The following KIFC3 variants were observed in gnomAD, a reference collection of about 807,000 sequenced individuals.
The protein encoded by KIFC3 is kinesin family member C3, also known as kinesin-like protein KIFC3.
In KIFC3, 60 loss-of-function variants were observed where a neutral mutation model predicts 101.8. That is an observed-to-expected ratio of 0.59 (90% CI 0.48 to 0.73). The LOEUF (loss-of-function observed/expected upper bound fraction) is 0.73, where lower values mean the gene tolerates loss of function less well. Among genes scored for constraint, KIFC3 ranks in the 30% least tolerant of loss-of-function variants. The pLI, the probability that KIFC3 is intolerant of heterozygous loss-of-function variation, is 0.00. For synonymous variants in KIFC3, 476 were observed against 482.7 expected, an observed-to-expected ratio of 0.99 and a Z score of 0.18; for missense variants, 966 against 1,137.1, an observed-to-expected ratio of 0.85 and a Z score of 2.16.
At chr16:57,837,390 C>T (rs1555480538) in intron 1 of KIFC3, among the ~76,000 whole-genome samples, 1 of 151,662 alleles carries the variant, frequency 6.6e-6, no homozygotes, top group Admixed American at 6.6e-5. Flanking sequence ...ATTGCTTGAA[C>T]CTGGAAGGCA....
At chr16:57,800,893 G>C (rs971593888) in intron 1 of KIFC3, among the ~76,000 whole-genome samples, 7 of 152,124 alleles carry the variant, frequency 4.6e-5, no homozygotes, top group Non-Finnish European at 8.8e-5. Flanking sequence ...TAGGATTCGT[G>C]GGGGAGGGCA....
rs566802088 is a variant in KIFC3 at position 57,774,717 on chromosome 16, G to T, written c.316-2429C>A. 87 of 452,964 alleles carry T rather than the reference G, an allele frequency of 1.9e-4. 1 individual carries two copies. Among genetic ancestry groups the T allele is most frequent in the Admixed American group, 1.3e-3 (32 of 24,150 alleles). 28.1% of individuals were successfully genotyped at this position (452,964 alleles called of 1,614,324 possible). A position where few individuals can be genotyped will look rare whatever the true frequency, so the allele number is the denominator to read the frequency against. On this transcript the variant is annotated intron_variant, in intron 3 of 19. Coordinates refer to ENST00000445690, the MANE Select transcript of KIFC3 (RefSeq NM_001130100.2). ...TTTTTTTTTTTTTTAATGTATAGAA[G>T]GGTCTTGCCATTTTGCCCAAGCTGG...
At chr16:57,778,685 T>C (rs1304615354) in intron 3 of KIFC3, among the ~76,000 whole-genome samples, 3 of 152,236 alleles carry the variant, frequency 2.0e-5, no homozygotes, top group African/African-American at 7.2e-5. Context: ...TTAATATCAC[T>C]GGCATTAGGG....
upstream of KIFC3, among the ~76,000 whole-genome samples, chr16:57,804,559 C>T (rs140706876): frequency 3.0e-4 from 45 of 152,320 alleles, no homozygotes; most frequent in African/African-American, 7.9e-4. Context: ...TCTAGCAAAA[C>T]TCCGATTTGA....
chr16:57,794,555 A>T (rs1413997548), intron 3 of KIFC3, among the ~76,000 whole-genome samples: 2 of 152,170 alleles, frequency 1.3e-5, no homozygotes, highest in African/African-American at 4.8e-5. Flanking sequence ...TCACTTGGTG[A>T]TAACTGCAAG....
In KIFC3 at chr16:57,759,753, G is replaced by C. The variant is rs782692933; in HGVS notation, c.2451C>G (p.Ser817=). The change falls in exon 18 of 20, where the codon TCC becomes TCG. Residue 817 remains serine (S), a synonymous_variant. Transcript: ENST00000445690. ...CCGAGGGCTGCAGCTTCCTCCGGAT[G>C]GATCCAGGGCGGCTACTGGTCCCAG... is the stretch of plus-strand genomic sequence containing the variant. ...PSSGTSSRPG[S]IRRKLQPSA is the part of the protein sequence containing the mutation. 6.2e-7 allele frequency: 1 copy of C among 1,611,042 alleles called. No homozygotes were observed. Among genetic ancestry groups the C allele is most frequent in the South Asian group, 1.1e-5 (1 of 90,626 alleles).
At chr16:57,793,029 G>T (rs936084165) in intron 3 of KIFC3, among the ~76,000 whole-genome samples, 28 of 152,198 alleles carry the variant, frequency 1.8e-4, no homozygotes, top group Non-Finnish European at 3.4e-4. Context: ...GCTCATGCCT[G>T]TAATCCCAGC....
chr16:57,794,737 T>C (rs1436697294), intron 3 of KIFC3, among the ~76,000 whole-genome samples: 1 of 152,156 alleles, frequency 6.6e-6, no homozygotes, highest in African/African-American at 2.4e-5. Flanking sequence ...TCTGCCCATC[T>C]CAGCTAAGGC....
At position 57,798,341 on chromosome 16, in the gene KIFC3, C is replaced by G. The variant is rs1487995363; in HGVS notation, c.-39-59G>C. 23 of 1,455,542 alleles carry G rather than the reference C, an allele frequency of 1.6e-5. No individual in the cohort carries two copies. The Admixed American group carries it at 3.3e-4, about 21-fold the overall frequency. The allele number at this position is 1,455,542 out of a possible 1,614,324, so 90.2% of individuals were successfully genotyped here. ...ACCGTGGACCAGCACAACTGCACCT[C>G]GGGCAGAGCCAGCCATCTGGAAGGG... On this transcript the variant is annotated intron_variant, in intron 1 of 19. Coordinates refer to ENST00000445690, the MANE Select transcript of KIFC3 (RefSeq NM_001130100.2).
chr16:57,782,888 G>C (rs1224152897), intron 3 of KIFC3, among the ~76,000 whole-genome samples: 4 of 152,250 alleles, frequency 2.6e-5, no homozygotes, highest in African/African-American at 9.6e-5. Flanking sequence ...GGAGATTGCA[G>C]TGAGCCGAGA....
intron 1 of KIFC3, among the ~76,000 whole-genome samples, chr16:57,816,053 A>G (rs1555628718): frequency 6.6e-6 from 1 of 152,154 alleles, no homozygotes; most frequent in African/African-American, 2.4e-5. Context: ...CTTGGTCCTG[A>G]TGTTAGTGAG....
At chr16:57,764,275 T>TGGGGGGGGGGGGGGTGGGGGGGG in intron 11 of KIFC3, 28 bp from the exon 12 acceptor site, 1 of 539,932 alleles carries the variant, frequency 1.9e-6, no homozygotes, top group Non-Finnish European at 3.5e-6. Flanking sequence ...GGGAGGCTGG[T>TGGGGGGGGGGGGGGTGGGGGGGG]GGGGGGGCTT....
chr16:57,862,081 C>A (rs1311569621), intron 1 of KIFC3, among the ~76,000 whole-genome samples: 1 of 152,098 alleles, frequency 6.6e-6, no homozygotes, highest in East Asian at 1.9e-4. Flanking sequence ...CGAATTCTGG[C>A]AGCTGGGCTT....
chr16:57,822,878 T>C (rs2055380678), intron 1 of KIFC3, among the ~76,000 whole-genome samples: 1 of 152,168 alleles, frequency 6.6e-6, no homozygotes, highest in Non-Finnish European at 1.5e-5. Flanking sequence ...GATTATTAGG[T>C]AGCAGTGTTG....
chr16:57,829,650 T>C lies in KIFC3; in HGVS notation c.109-31368A>G, dbSNP rs185755144. Among the ~76,000 whole-genome samples the C allele has an allele frequency of 2.6e-5, 4 of 152,312 alleles. No individual in the cohort carries two copies. In the East Asian group the frequency reaches 7.7e-4, roughly 29 times the overall value. On this transcript the variant is annotated intron_variant, in intron 1 of 2. Transcript: ENST00000563028. ...AGGAAAGTCACCATGCAGCCCTGAA[T>C]AGGTAGACCTTGAACTCAGATCTGT... is the stretch of plus-strand genomic sequence containing the variant.
intron 1 of KIFC3, chr16:57,813,748 GC>G (rs1380148895): frequency 1.0e-5 from 10 of 985,140 alleles, no homozygotes; most frequent in Non-Finnish European, 1.2e-5. Context: ...CATCCTCACA[GC>G]CTCTGCAGCA....
At chr16:57,784,697 G>A (rs1416331049) in intron 3 of KIFC3, among the ~76,000 whole-genome samples, 1 of 152,162 alleles carries the variant, frequency 6.6e-6, no homozygotes, top group African/African-American at 2.4e-5. Flanking sequence ...AGACAGGCTT[G>A]GAGACCTTGG....
Position 57,769,224 on chromosome 16 carries a change from C to T in KIFC3, c.1218+371G>A, listed in dbSNP as rs906984834. Among the ~76,000 whole-genome samples, 2 of 152,156 alleles carry T rather than the reference C, an allele frequency of 1.3e-5. No homozygotes were observed. The highest frequency in any genetic ancestry group is 2.1e-4 in the South Asian group (1 of 4,818). ...CTAATTTTTGTAATTTTAGTAGAGA[C>T]GAAGTTTCGCCTTGTTGGCCAGGCT... On this transcript the variant is annotated intron_variant, in intron 9 of 19. Coordinates refer to ENST00000445690, the MANE Select transcript of KIFC3 (RefSeq NM_001130100.2). The surrounding 1 kb of genome is among the most constrained non-coding windows in gnomAD (Gnocchi z 4.3).
At chr16:57,796,226 C>T (rs1423519197) in intron 2 of KIFC3, among the ~76,000 whole-genome samples, 1 of 152,102 alleles carries the variant, frequency 6.6e-6, no homozygotes, top group African/African-American at 2.4e-5. Context: ...GTTTGCTTGT[C>T]AATAAAATGG....
Sources: allele counts gnomAD v4.1 joint callset (sites outside exome capture counted in the v4.1 genomes callset), GRCh38; gene constraint gnomAD v4.1.1; non-coding constraint Gnocchi (gnomAD v3.1); transcripts MANE v1.5; gene names NCBI Gene and HGNC (gene_info 2026-07-23, HGNC 2026-07-21).